The following P2RX5 variants were observed in gnomAD, a reference collection of about 807,000 sequenced individuals.
P2RX5 encodes purinergic receptor P2X 5, also known as P2X purinoceptor 5.
P2RX5 carries 46 observed loss-of-function variants against 54.1 expected under a neutral mutation model. The ratio of observed to expected loss-of-function variants is 0.85; its 90% CI spans 0.67 to 1.09. The LOEUF (loss-of-function observed/expected upper bound fraction) is 1.09, where lower values mean the gene tolerates loss of function less well. Ranked by LOEUF, P2RX5 falls within the 50% of genes least tolerant of loss-of-function variation. P2RX5 has a pLI of 0.00. For synonymous variants in P2RX5, 226 were observed against 226.4 expected, an observed-to-expected ratio of 1.00 and a Z score of 0.02; for missense variants, 566 against 549.8, an observed-to-expected ratio of 1.03 and a Z score of -0.29.
the P2RX5 span, among the ~76,000 whole-genome samples, chr17:3,713,759 A>G: frequency 4.0e-5 from 6 of 151,886 alleles, no homozygotes; most frequent in Admixed American, 3.9e-4. Context: ...TCAAAAAAAA[A>G]AAATAAAGTA....
chr17:3,720,616 C>T, the P2RX5 span: 22,884 of 379,300 alleles, frequency 0.06, 5,101 homozygotes, highest in African/African-American at 0.47. Flanking sequence ...GAGTTTCGCT[C>T]TTTCGCCCAG....
chr17:3,701,919 C>T, the P2RX5 span, among the ~76,000 whole-genome samples: 4 of 151,682 alleles, frequency 2.6e-5, no homozygotes, highest in Non-Finnish European at 4.4e-5. Flanking sequence ...CCATGCCCGG[C>T]GGTGAGTAAT....
At chr17:3,708,714 T>G in the P2RX5 span, among the ~76,000 whole-genome samples, 4 of 152,160 alleles carry the variant, frequency 2.6e-5, no homozygotes, top group African/African-American at 9.7e-5. Context: ...CTTTACAAAT[T>G]GTGATTAATT....
At chr17:3,721,154 C>T in the P2RX5 span, among the ~76,000 whole-genome samples, 8 of 151,978 alleles carry the variant, frequency 5.3e-5, no homozygotes, top group Middle Eastern at 3.4e-3. Context: ...GTCTCAAACT[C>T]CTGGGCTCAA....
intron 9 of P2RX5, chr17:3,682,449 A>G (rs2050310746): frequency 8.7e-6 from 2 of 230,512 alleles, no homozygotes; most frequent in Non-Finnish European, 1.8e-5. Context: ...TTTATACAAG[A>G]CAAAGAGGTG....
chr17:3,679,410 C>T (rs570195907), intron 11 of P2RX5, among the ~76,000 whole-genome samples, 180 bp downstream of exon 11: 4 of 152,242 alleles, frequency 2.6e-5, no homozygotes, highest in South Asian at 2.1e-4. Flanking sequence ...GGGGACCTTG[C>T]GGGGTAAAGC....
At chr17:3,694,426 G>A (rs528785121) in intron 1 of P2RX5, among the ~76,000 whole-genome samples, 2 of 152,168 alleles carry the variant, frequency 1.3e-5, no homozygotes, top group African/African-American at 4.8e-5. Context: ...GGCTGGTCTC[G>A]AACTCCTGAC....
In P2RX5 at chr17:3,693,127, CAAAAA is replaced by C. The variant is rs34356240; in HGVS notation, c.138-1338_138-1334del. Among the ~76,000 whole-genome samples the C allele has an allele frequency of 8.6e-3, 875 of 101,666 alleles. 7 individuals are homozygous for C. The highest frequency in any genetic ancestry group is 0.047 in the Middle Eastern group (8 of 170). The allele number at this position is 101,666 out of a possible 152,430, so 66.7% of individuals were successfully genotyped here. A position where few individuals can be genotyped will look rare whatever the true frequency, so the allele number is the denominator to read the frequency against. On this transcript the variant is annotated intron_variant, in intron 1 of 11. Transcript: ENST00000225328. ...GCAAAGGATTTGAATAGACATTTCT[CAAAAA>C]AAAAAAAAAAAAAGAGAGAGAGAGA...
At chr17:3,683,162 G>A (rs1471618376) in intron 9 of P2RX5, among the ~76,000 whole-genome samples, 2 of 152,156 alleles carry the variant, frequency 1.3e-5, no homozygotes, top group Non-Finnish European at 2.9e-5. Flanking sequence ...CCAGCAGAGG[G>A]AGACTCCACC....
At chr17:3,683,729 CAAAA>C (rs59622313) in intron 9 of P2RX5, among the ~76,000 whole-genome samples, 27 of 58,586 alleles carry the variant, frequency 4.6e-4, no homozygotes, top group South Asian at 1.5e-3. Flanking sequence ...GACTCCGTCT[CAAAA>C]AAAAAAAAAA....
chr17:3,694,158 G>A (rs1285341712), intron 1 of P2RX5, among the ~76,000 whole-genome samples: 2 of 148,154 alleles, frequency 1.3e-5, no homozygotes, highest in African/African-American at 4.9e-5. Context: ...CAGCCACAGA[G>A]AGGAATGGAG....
At position 3,673,619 on chromosome 17, in the gene P2RX5, C is replaced by A; in HGVS notation, c.*249G>T. The A allele has an allele frequency of 7.0e-7, 1 of 1,422,636 alleles. No homozygotes were observed. Among genetic ancestry groups the A allele is most frequent in the South Asian group, 1.5e-5 (1 of 66,522 alleles). 88.1% of individuals were successfully genotyped at this position (1,422,636 alleles called of 1,614,324 possible). ...GTTCCCTAGTGCGGGAAGCCAGCCA[C>A]GGAGAAAGGAAGAACTGACGGCAGG... On this transcript the variant is annotated 3_prime_UTR_variant, in exon 12 of 12. Coordinates refer to ENST00000225328, the MANE Select transcript of P2RX5 (RefSeq NM_002561.4).
the P2RX5 span, chr17:3,723,205 T>A: frequency 3.1e-5 from 30 of 959,234 alleles, no homozygotes; most frequent in Non-Finnish European, 4.9e-5. Flanking sequence ...GGACATGTTA[T>A]GCAAAGATGC....
chr17:3,677,503 T>C, intron 11 of P2RX5: 2 of 985,448 alleles, frequency 2.0e-6, no homozygotes, highest in Non-Finnish European at 2.4e-6. Flanking sequence ...AATTTTATCC[T>C]TGGGGCAAGC....
chr17:3,684,650 A>G (rs1033863313), intron 9 of P2RX5, among the ~76,000 whole-genome samples: 1 of 152,114 alleles, frequency 6.6e-6, no homozygotes, highest in South Asian at 2.1e-4. Context: ...TCGACCAGAA[A>G]AGTGTGAAAT....
At chr17:3,723,490 T>A in the P2RX5 span, 2 of 1,019,590 alleles carry the variant, frequency 2.0e-6, no homozygotes, top group Non-Finnish European at 3.1e-6. Context: ...ATAGAGGGTG[T>A]GAGCAATTTC....
chr17:3,714,249 G>A, the P2RX5 span, among the ~76,000 whole-genome samples: 37 of 143,752 alleles, frequency 2.6e-4, no homozygotes, highest in African/African-American at 9.4e-4. Flanking sequence ...TTCTTTTTGA[G>A]ATGGAGTCTC....
the P2RX5 span, among the ~76,000 whole-genome samples, chr17:3,701,967 C>T: frequency 0.11 from 16,352 of 151,764 alleles, 963 homozygotes; most frequent in Middle Eastern, 0.17. Context: ...TTAGTAGAGA[C>T]GGAGTTTCAC....
At chr17:3,700,655 C>T (rs927357165), upstream of P2RX5, among the ~76,000 whole-genome samples, 10 of 152,290 alleles carry the variant, frequency 6.6e-5, no homozygotes, top group South Asian at 1.2e-3. Flanking sequence ...CTCCAAATCG[C>T]ATGTTGAAAT....
Sources: allele counts gnomAD v4.1 joint callset (sites outside exome capture counted in the v4.1 genomes callset), GRCh38; gene constraint gnomAD v4.1.1; transcripts MANE v1.5; gene names NCBI Gene and HGNC (gene_info 2026-07-23, HGNC 2026-07-21).